The following CCDC32 variants were observed in gnomAD, a reference collection of about 807,000 sequenced individuals.
The protein encoded by CCDC32 is coiled-coil domain-containing protein 32.
Under a neutral mutation model 20.1 loss-of-function variants are expected in CCDC32, and 9 were observed. The ratio of observed to expected loss-of-function variants is 0.45; its 90% CI spans 0.27 to 0.78. CCDC32 has a LOEUF of 0.78. Ranked by LOEUF, CCDC32 falls within the 30% of genes least tolerant of loss-of-function variation. The probability of loss-of-function intolerance (pLI) is 0.16; values close to 1 mark genes in which losing one functional copy is unlikely to be tolerated. For synonymous variants in CCDC32, 63 were observed against 79.0 expected (o/e 0.80, Z 1.07); for missense variants, 204 against 215.5 (o/e 0.95, Z 0.33).
At chr15:40,537,966 G>A (rs1298671251), downstream of CCDC32, 1 of 152,176 alleles carries the variant, frequency 6.6e-6, no homozygotes, top group Non-Finnish European at 1.5e-5. Context: ...AAAAGCTGGA[G>A]CTTCAGTAAT....
downstream of CCDC32, among the ~76,000 whole-genome samples, chr15:40,530,098 C>T (rs1888829372): frequency 6.6e-6 from 1 of 150,790 alleles, no homozygotes; most frequent in Non-Finnish European, 1.5e-5. Context: ...TCGAGACCAG[C>T]CTGGCCAACA....
intron 1 of CCDC32, among the ~76,000 whole-genome samples, chr15:40,563,884 T>TA (rs1890836424): frequency 6.6e-6 from 1 of 151,410 alleles, no homozygotes; most frequent in Non-Finnish European, 1.5e-5. Context: ...GCAGTGGCGC[T>TA]AACTTGGCTC....
rs970621628 is a variant in CCDC32 at position 40,528,696 on chromosome 15, G to A, written c.*46C>T. 6 of 691,342 alleles carry A rather than the reference G, an allele frequency of 8.7e-6. No homozygotes were observed. In the South Asian group the frequency reaches 9.1e-5, roughly 10 times the overall value. 42.8% of individuals were successfully genotyped at this position (691,342 alleles called of 1,614,324 possible). ...GAGGTGGGTTGGAGTTGATTATATG[G>A]GTGCAGGCCTTGTCCACAAGCGAAT... On this transcript the variant is annotated 3_prime_UTR_variant, in exon 4 of 4. Coordinates refer to the CCDC32 transcript ENST00000560305.
At chr15:40,539,032 C>A, downstream of CCDC32, 1 of 577,666 alleles carries the variant, frequency 1.7e-6, no homozygotes, top group Non-Finnish European at 3.1e-6. Flanking sequence ...TGACTAAAGC[C>A]CTGTCTCTCT....
Position 40,553,855 on chromosome 15 carries a change from C to T in CCDC32, c.*116G>A, listed in dbSNP as rs906973248. ...TCCTTCAGTGGATTTCTCCCTGCTG[C>T]TGTCACTGAGCTCCACGCTGCTCGC... On this transcript the variant is annotated 3_prime_UTR_variant, in exon 4 of 4. Coordinates refer to ENST00000416810, the MANE Select transcript of CCDC32 (RefSeq NM_001080792.4). 7 of 1,394,952 alleles carry T rather than the reference C, an allele frequency of 5.0e-6. No individual in the cohort carries two copies. Among genetic ancestry groups the T allele is most frequent in the Non-Finnish European group, 6.6e-6 (7 of 1,061,824 alleles). 86.4% of individuals were successfully genotyped at this position (1,394,952 alleles called of 1,614,324 possible).
intron 3 of CCDC32, among the ~76,000 whole-genome samples, chr15:40,544,596 G>C (rs1889537145): frequency 6.6e-6 from 1 of 152,178 alleles, no homozygotes; most frequent in African/African-American, 2.4e-5. Context: ...TCAGCCCAGA[G>C]CTCCCTGTGC....
At chr15:40,528,566 G>A (rs1402933454), downstream of CCDC32, 2 of 572,448 alleles carry the variant, frequency 3.5e-6, no homozygotes, top group Admixed American at 3.3e-5. Flanking sequence ...GGTAGAGGCT[G>A]CAAAGAGTCC....
At chr15:40,543,323 T>C (rs1889479477) in intron 3 of CCDC32, among the ~76,000 whole-genome samples, 1 of 152,150 alleles carries the variant, frequency 6.6e-6, no homozygotes. Flanking sequence ...AAGGATACTT[T>C]CTGGAGGGCG....
chr15:40,543,259 A>G (rs1367282889), intron 3 of CCDC32, among the ~76,000 whole-genome samples: 2 of 152,186 alleles, frequency 1.3e-5, no homozygotes, highest in Admixed American at 6.5e-5. Context: ...AACTTGCAAT[A>G]AAGTCTGAGG....
At position 40,553,773 on chromosome 15, in the gene CCDC32, G is replaced by A. The variant is rs111832898; in HGVS notation, c.*198C>T. 81 of 1,380,316 alleles carry A rather than the reference G, an allele frequency of 5.9e-5. 2 individuals carry two copies. The African/African-American group carries it at 9.3e-4, about 16-fold the overall frequency. The allele number at this position is 1,380,316 out of a possible 1,614,324, so 85.5% of individuals were successfully genotyped here. On this transcript the variant is annotated 3_prime_UTR_variant, in exon 4 of 4. Transcript: ENST00000416810. The stretch of plus-strand genomic sequence containing the variant: ...GAGACAGTCACACATGCCAGCCCCA[G>A]GTAAGTCCCTGGGGGCTTGCAGCTG...
chr15:40,563,543 T>G (rs1044373176), intron 1 of CCDC32, among the ~76,000 whole-genome samples: 1 of 152,060 alleles, frequency 6.6e-6, no homozygotes, highest in East Asian at 1.9e-4. Flanking sequence ...GTTTAATGGG[T>G]ACACAGTTTC....
chr15:40,551,187 C>T (rs1889841897), downstream of CCDC32, among the ~76,000 whole-genome samples: 1 of 152,236 alleles, frequency 6.6e-6, no homozygotes, highest in Non-Finnish European at 1.5e-5. Context: ...TCCAGACCAT[C>T]CTGGCTAACA....
At chr15:40,557,147 G>A in intron 3 of CCDC32, 69 bp downstream of exon 3, 1 of 1,522,364 alleles carries the variant, frequency 6.6e-7, no homozygotes, top group East Asian at 2.3e-5. Context: ...ATCTACTGCT[G>A]GGCTAAAAAC....
the CCDC32 span, among the ~76,000 whole-genome samples, chr15:40,522,358 G>A: frequency 2.0e-5 from 3 of 152,150 alleles, no homozygotes; most frequent in African/African-American, 4.8e-5. Flanking sequence ...GATTACCACG[G>A]TTTTATAGGA....
At chr15:40,541,323 G>T (rs570144395) in intron 3 of CCDC32, among the ~76,000 whole-genome samples, 8 of 138,766 alleles carry the variant, frequency 5.8e-5, no homozygotes, top group Admixed American at 1.6e-4. Context: ...GCAAAATTCT[G>T]AGCTGTAATA....
downstream of CCDC32, among the ~76,000 whole-genome samples, chr15:40,524,739 CTTTTTTTTTTTT>C (rs758786719): frequency 4.2e-5 from 4 of 95,242 alleles, no homozygotes; most frequent in African/African-American, 1.1e-4. Flanking sequence ...CTTTTTCTTT[CTTTTTTTTTTTT>C]TTTTTTTTTT....
chr15:40,561,446 C>G (rs1443878492), intron 2 of CCDC32, among the ~76,000 whole-genome samples: 1 of 149,998 alleles, frequency 6.7e-6, no homozygotes, highest in Non-Finnish European at 1.5e-5. Flanking sequence ...GCATTCCAGC[C>G]TGGGCAACAG....
chr15:40,546,800 C>G (rs1205575905), intron 3 of CCDC32, among the ~76,000 whole-genome samples: 1 of 151,414 alleles, frequency 6.6e-6, no homozygotes, highest in African/African-American at 2.4e-5. Flanking sequence ...CTCCCAGGTT[C>G]AAGTGATTCT....
chr15:40,563,776 C>G (rs1890821341), intron 1 of CCDC32, among the ~76,000 whole-genome samples: 1 of 151,836 alleles, frequency 6.6e-6, no homozygotes, highest in African/African-American at 2.4e-5. Context: ...CAAAATGCAA[C>G]AGTTCTATCT....
Sources: allele counts gnomAD v4.1 joint callset (sites outside exome capture counted in the v4.1 genomes callset), GRCh38; gene constraint gnomAD v4.1.1; transcripts MANE v1.5; gene names NCBI Gene and HGNC (gene_info 2026-07-23, HGNC 2026-07-21).